The following PARD3 variants were observed in gnomAD, a reference collection of about 807,000 sequenced individuals.
The protein encoded by PARD3 is partitioning defective 3 homolog.
In PARD3, 75 loss-of-function variants were observed where a neutral mutation model predicts 155.4. That is an observed-to-expected ratio of 0.48 (90% CI 0.40 to 0.58). The LOEUF (loss-of-function observed/expected upper bound fraction) is 0.58. Ranked by LOEUF, PARD3 falls within the 20% of genes least tolerant of loss-of-function variation. The probability of loss-of-function intolerance (pLI) is 0.00; values close to 1 mark genes in which losing one functional copy is unlikely to be tolerated. For missense variants in PARD3, 1,642 were observed against 1,721.7 expected (o/e 0.95, Z 0.82); for synonymous variants, 576 against 610.5 (o/e 0.94, Z 0.83).
chr10:34,814,085 C>G (rs1844568656), intron 1 of PARD3, among the ~76,000 whole-genome samples: 2 of 152,196 alleles, frequency 1.3e-5, no homozygotes, highest in African/African-American at 4.8e-5. Flanking sequence ...CACATGGAAC[C>G]AGCCCGGGAT....
chr10:34,218,910 A>T, intron 22 of PARD3, among the ~76,000 whole-genome samples: 1 of 152,192 alleles, frequency 6.6e-6, no homozygotes, highest in East Asian at 1.9e-4. Flanking sequence ...CAAGATTCCT[A>T]TTTTAAGATC....
chr10:34,666,939 C>T (rs1302625982), intron 2 of PARD3, among the ~76,000 whole-genome samples: 2 of 151,656 alleles, frequency 1.3e-5, no homozygotes, highest in South Asian at 2.1e-4. Context: ...GAGACCAGGG[C>T]GGGTGGATCA....
rs190223613 is a variant in PARD3, at chr10:34,175,228, A to C, written c.3420-43645T>G. ...TAACTTCATGGAGAGCTAAGCATCG[A>C]GCAGGGCTGGCAGATGATGTGCTTT... On this transcript the variant is annotated intron_variant, in intron 22 of 24. Transcript: ENST00000374788. Among the ~76,000 whole-genome samples, 174 of 152,332 alleles carry C rather than the reference A, an allele frequency of 1.1e-3. 2 individuals are homozygous for C. Among genetic ancestry groups the C allele is most frequent in the African/African-American group, 3.8e-3 (157 of 41,574 alleles).
At chr10:34,394,322 G>A (rs1288234134) in intron 7 of PARD3, among the ~76,000 whole-genome samples, 3 of 151,974 alleles carry the variant, frequency 2.0e-5, no homozygotes, top group Admixed American at 6.6e-5. Context: ...CACCATGCCC[G>A]GCCTTATTTT....
chr10:34,455,051 C>T (rs79209915), intron 4 of PARD3, among the ~76,000 whole-genome samples: 3,010 of 152,238 alleles, frequency 0.02, 99 homozygotes, highest in African/African-American at 0.069. Flanking sequence ...CCAGAAACAG[C>T]TATTTAGCTG....
At chr10:34,585,375 G>C (rs1320990072) in intron 2 of PARD3, among the ~76,000 whole-genome samples, 2 of 152,042 alleles carry the variant, frequency 1.3e-5, no homozygotes, top group Admixed American at 1.3e-4. Context: ...TTAACTTACA[G>C]ATGTTTACAC....
At chr10:34,167,320 G>A (rs987119379) in intron 22 of PARD3, among the ~76,000 whole-genome samples, 5 of 152,070 alleles carry the variant, frequency 3.3e-5, no homozygotes, top group African/African-American at 7.2e-5. Context: ...CGGGTCTGCC[G>A]GCATGTGCAT....
intron 1 of PARD3, among the ~76,000 whole-genome samples, chr10:34,790,351 A>G (rs1841483966): frequency 6.6e-6 from 1 of 152,226 alleles, no homozygotes; most frequent in African/African-American, 2.4e-5. Context: ...ATGCAGAAAC[A>G]AGAGGAAAAA....
intron 22 of PARD3, among the ~76,000 whole-genome samples, chr10:34,137,254 G>A (rs1339389651): frequency 6.6e-6 from 1 of 152,112 alleles, no homozygotes; most frequent in Admixed American, 6.6e-5. Flanking sequence ...GGTTACAATC[G>A]TGGTGTCCCT....
intron 1 of PARD3, among the ~76,000 whole-genome samples, chr10:34,730,854 C>T (rs951984569): frequency 6.6e-6 from 1 of 152,156 alleles, no homozygotes; most frequent in Admixed American, 6.5e-5. Context: ...AGCGAGTAGA[C>T]GCTGTGAGGA....
At chr10:34,487,174 C>T (rs1733738398) in intron 3 of PARD3, among the ~76,000 whole-genome samples, 1 of 152,114 alleles carries the variant, frequency 6.6e-6, no homozygotes, top group Admixed American at 6.5e-5. Context: ...CAAGTTCTCT[C>T]TTCTGGGCCT....
intron 1 of PARD3, among the ~76,000 whole-genome samples, chr10:34,742,796 A>G (rs2095042456): frequency 6.6e-6 from 1 of 152,234 alleles, no homozygotes; most frequent in Non-Finnish European, 1.5e-5. Context: ...AGAAGAAGGG[A>G]GACAATGCAG....
intron 5 of PARD3, among the ~76,000 whole-genome samples, chr10:34,404,093 AG>A (rs1844186736): frequency 6.6e-6 from 1 of 152,180 alleles, no homozygotes; most frequent in Non-Finnish European, 1.5e-5. Flanking sequence ...AAGAGCATGG[AG>A]AATATTATTT....
chr10:34,435,527 A>T (rs2076145034), intron 5 of PARD3, among the ~76,000 whole-genome samples: 1 of 152,224 alleles, frequency 6.6e-6, no homozygotes, highest in Non-Finnish European at 1.5e-5. Context: ...TACAAATGAG[A>T]CACTAATATC....
intron 2 of PARD3, among the ~76,000 whole-genome samples, chr10:34,576,326 C>CA (rs2086884824): frequency 6.6e-6 from 1 of 152,212 alleles, no homozygotes; most frequent in Non-Finnish European, 1.5e-5. Context: ...GAGGGGCTGT[C>CA]TGCTTGCTTG....
chr10:34,300,747 T>C (rs78576131), intron 20 of PARD3, among the ~76,000 whole-genome samples: 20 of 152,176 alleles, frequency 1.3e-4, no homozygotes, highest in African/African-American at 4.8e-4. Flanking sequence ...AGACTGGAAC[T>C]AGGCAGCTAA....
At chr10:34,343,506 T>C in intron 15 of PARD3, 4 of 984,920 alleles carry the variant, frequency 4.1e-6, no homozygotes, top group Non-Finnish European at 4.8e-6. Flanking sequence ...TAATTTAGCA[T>C]TTTTTTCTCA....
chr10:34,640,730 A>AAAAAAAAAAAAAAAAAAAAAC (rs1174647212), intron 2 of PARD3, among the ~76,000 whole-genome samples: 2 of 143,680 alleles, frequency 1.4e-5, no homozygotes, highest in African/African-American at 2.6e-5. Flanking sequence ...AAAAAAAAAA[A>AAAAAAAAAAAAAAAAAAAAAC]AAAAAAGCAC....
chr10:34,781,526 T>C (rs561376516), intron 1 of PARD3, among the ~76,000 whole-genome samples: 5 of 152,366 alleles, frequency 3.3e-5, no homozygotes, highest in Admixed American at 6.5e-5. Context: ...AGCCTGATGG[T>C]ACTTTTAGGA....
Sources: gnomAD v4.1 joint callset for allele counts (sites outside exome capture counted in the v4.1 genomes callset) on GRCh38, gnomAD v4.1.1 for gene constraint, MANE v1.5 for transcripts, NCBI Gene and HGNC (gene_info 2026-07-23, HGNC 2026-07-21) for gene names.